The following FBLN2 variants were observed in gnomAD, a reference collection of about 807,000 sequenced individuals.
FBLN2 encodes fibulin-2.
A neutral mutation model predicts 123.7 loss-of-function variants in FBLN2; 81 were observed. That is an observed-to-expected ratio of 0.65 (90% CI 0.55 to 0.79). FBLN2 has a LOEUF of 0.79. Among genes scored for constraint, FBLN2 ranks in the 30% least tolerant of loss-of-function variants. FBLN2 has a pLI of 0.00. For synonymous variants in FBLN2, 699 were observed against 701.4 expected, an observed-to-expected ratio of 1.00 and a Z score of 0.05; for missense variants, 1,603 against 1,681.3, an observed-to-expected ratio of 0.95 and a Z score of 0.81.
chr3:13,612,158 T>C (rs1705410374), intron 4 of FBLN2, among the ~76,000 whole-genome samples: 1 of 152,118 alleles, frequency 6.6e-6, no homozygotes, highest in African/African-American at 2.4e-5. Context: ...TTAAAACAAC[T>C]AGTATTAGTG....
At chr3:13,575,412 C>T (rs986066598) in intron 2 of FBLN2, among the ~76,000 whole-genome samples, 1 of 152,142 alleles carries the variant, frequency 6.6e-6, no homozygotes, top group Admixed American at 6.5e-5. Flanking sequence ...ACCTTCCATT[C>T]CCTGCACACC....
In FBLN2 at chr3:13,621,840, G is replaced by C; in HGVS notation, c.2221G>C (p.Gly741Arg). 1 of 1,613,996 alleles carries C rather than the reference G, an allele frequency of 6.2e-7. No individual in the cohort carries two copies. Among genetic ancestry groups the C allele is most frequent in the Non-Finnish European group, 8.5e-7 (1 of 1,179,878 alleles). Residue 741 changes from glycine (G) to arginine (R), a missense_variant, in exon 9 of 18, where the codon GGA becomes CGA. Gly to Arg is a moderately radical substitution (Grantham distance 125, BLOSUM62 -2). Coordinates refer to ENST00000404922, the MANE Select transcript of FBLN2 (RefSeq NM_001004019.2). ...GCGACAGTTCTGTGTGAACACCCTG[G>C]GATCCTTCTACTGTGTCAACCACAC... The part of the protein sequence containing the change: ...SRRQFCVNTL[G>R]SFYCVNHTVL...
In FBLN2 at chr3:13,619,716, G is replaced by A. The variant is rs773733642; in HGVS notation, c.2054-14G>A. ...GGGCCTGGTGGTCTCTGATTTCTGT[G>A]TGGTTTCCTCCAGACAATGGACCCT... is the stretch of plus-strand genomic sequence containing the variant. On this transcript the variant is annotated splice_polypyrimidine_tract_variant and intron_variant, in intron 7 of 17. Transcript: ENST00000404922. 11 of 1,610,674 alleles carry A rather than the reference G, an allele frequency of 6.8e-6. No individual in the cohort carries two copies. The Admixed American group carries it at 1.7e-4, about 24-fold the overall frequency.
intron 1 of FBLN2, among the ~76,000 whole-genome samples, chr3:13,549,700 A>G (rs952617818): frequency 1.1e-4 from 17 of 150,296 alleles, no homozygotes; most frequent in African/African-American, 3.7e-4. Context: ...AGTCACACTC[A>G]CCGCCACACA....
At chr3:13,586,640 G>T (rs1438635907) in intron 2 of FBLN2, among the ~76,000 whole-genome samples, 1 of 151,166 alleles carries the variant, frequency 6.6e-6, no homozygotes, top group African/African-American at 2.4e-5. Flanking sequence ...TGGGACTACA[G>T]GCGCATGGTG....
chr3:13,571,387 C>G lies in FBLN2; in HGVS notation c.1032C>G (p.Ala344=). The G allele has an allele frequency of 6.2e-7, 1 of 1,612,946 alleles. No homozygotes were observed. The highest frequency in any genetic ancestry group is 8.5e-7 in the Non-Finnish European group (1 of 1,179,584). ...ARPEENLILD[A]QATSRSTGPE... Reference sequence around the variant, plus strand: ...CTGAAGAGAACCTCATCCTGGATGCCCAAGCCACGTCCCGCAGCACTGGGC... The same window carrying G: ...CTGAAGAGAACCTCATCCTGGATGCGCAAGCCACGTCCCGCAGCACTGGGC... The change falls in exon 2 of 18, where the codon GCC becomes GCG. Residue 344 remains alanine, a synonymous_variant. Coordinates refer to ENST00000404922, the MANE Select transcript of FBLN2 (RefSeq NM_001004019.2).
At chr3:13,580,175 C>T (rs1218269756) in intron 2 of FBLN2, among the ~76,000 whole-genome samples, 3 of 152,196 alleles carry the variant, frequency 2.0e-5, no homozygotes, top group African/African-American at 4.8e-5. Flanking sequence ...GCTTTCTCTG[C>T]CAGGCTTCTG....
At chr3:13,619,459 T>G (rs1227335053) in intron 7 of FBLN2, among the ~76,000 whole-genome samples, 1 of 152,200 alleles carries the variant, frequency 6.6e-6, no homozygotes, top group Non-Finnish European at 1.5e-5. Context: ...CCCATTGTTC[T>G]TGCTGTCACG....
chr3:13,607,706 G>C (rs1705253624), intron 2 of FBLN2, among the ~76,000 whole-genome samples: 1 of 152,184 alleles, frequency 6.6e-6, no homozygotes, highest in African/African-American at 2.4e-5. Context: ...GAGAAACTCT[G>C]AGGAGTGAGG....
chr3:13,615,035 C>T (rs559112680), intron 5 of FBLN2, among the ~76,000 whole-genome samples: 1 of 152,024 alleles, frequency 6.6e-6, no homozygotes, highest in Non-Finnish European at 1.5e-5. Flanking sequence ...CATCCATCCT[C>T]GTTGTCCTTG....
chr3:13,633,805 T>C (rs1201507074), intron 16 of FBLN2, among the ~76,000 whole-genome samples: 1 of 152,216 alleles, frequency 6.6e-6, no homozygotes, highest in Non-Finnish European at 1.5e-5. Flanking sequence ...GCCCTATCTG[T>C]CCGGCTCACC....
intron 1 of FBLN2, among the ~76,000 whole-genome samples, chr3:13,550,398 A>G (rs879841246): frequency 6.6e-6 from 1 of 152,214 alleles, no homozygotes; most frequent in African/African-American, 2.4e-5. Flanking sequence ...GGAGTTGCCC[A>G]TATCAGCTTT....
At chr3:13,622,790 C>A (rs1574993212) in intron 9 of FBLN2, among the ~76,000 whole-genome samples, 1 of 152,202 alleles carries the variant, frequency 6.6e-6, no homozygotes, top group African/African-American at 2.4e-5. Flanking sequence ...GTTTGTGGTC[C>A]CAAACGGAGA....
chr3:13,601,892 G>A (rs1358003193), intron 2 of FBLN2, among the ~76,000 whole-genome samples: 2 of 152,128 alleles, frequency 1.3e-5, no homozygotes, highest in African/African-American at 4.8e-5. Flanking sequence ...CCATCTCCTG[G>A]GCTCAAGCAA....
chr3:13,596,392 AT>A, intron 2 of FBLN2, among the ~76,000 whole-genome samples: 1 of 152,184 alleles, frequency 6.6e-6, no homozygotes, highest in South Asian at 2.1e-4. Context: ...TGCAGGTGGG[AT>A]TTAGGTTGTT....
chr3:13,570,875 C>T lies in FBLN2; in HGVS notation c.520C>T (p.Leu174Phe). 1.2e-6 allele frequency: 2 copies of T among 1,611,416 alleles called. No homozygotes were observed. Among genetic ancestry groups the T allele is most frequent in the Non-Finnish European group, 1.7e-6 (2 of 1,179,132 alleles). ...CGGTGGAGAGCTCATCTGCTACCAG[C>T]TCCCCGGTTGCCACGGGAACTTCTC... ...DAGGELICYQ[L>F]PGCHGNFSDA... is the part of the protein sequence containing the mutation. The change falls in exon 2 of 18, where the codon CTC becomes TTC. Residue 174 changes from leucine to phenylalanine, a missense_variant. Transcript: ENST00000404922.
chr3:13,557,215 G>A (rs1190972159), intron 1 of FBLN2, among the ~76,000 whole-genome samples: 1 of 152,224 alleles, frequency 6.6e-6, no homozygotes, highest in Non-Finnish European at 1.5e-5. Flanking sequence ...CATGTCTGGA[G>A]CCATTCCCTG....
At chr3:13,598,952 T>C (rs1281986038) in intron 2 of FBLN2, among the ~76,000 whole-genome samples, 2 of 152,138 alleles carry the variant, frequency 1.3e-5, no homozygotes, top group African/African-American at 2.4e-5. Flanking sequence ...TACTCGCCAG[T>C]TGGCCAAGGT....
intron 13 of FBLN2, 84 bp from the exon 14 acceptor site, chr3:13,629,736 C>G (rs1297370000): frequency 1.3e-6 from 2 of 1,490,964 alleles, no homozygotes; most frequent in Non-Finnish European, 1.8e-6. Context: ...CTTAGCCTCC[C>G]CTTCGGCCCT....
Sources: gnomAD v4.1 joint callset for allele counts (sites outside exome capture counted in the v4.1 genomes callset) on GRCh38, gnomAD v4.1.1 for gene constraint, MANE v1.5 for transcripts, NCBI Gene and HGNC (gene_info 2026-07-23, HGNC 2026-07-21) for gene names.